The following KCNIP4 variants were observed in gnomAD, a reference collection of about 807,000 sequenced individuals.
KCNIP4 encodes the protein potassium voltage-gated channel interacting protein 4.
Under a neutral mutation model 34.0 loss-of-function variants are expected in KCNIP4, and 12 were observed. The ratio of observed to expected loss-of-function variants is 0.35; its 90% CI spans 0.23 to 0.57. The LOEUF (loss-of-function observed/expected upper bound fraction) is 0.57. Ranked by LOEUF, KCNIP4 falls within the 20% of genes least tolerant of loss-of-function variation. KCNIP4 has a pLI of 0.83. For missense variants in KCNIP4, 238 were observed against 311.7 expected, an observed-to-expected ratio of 0.76 and a Z score of 1.78; for synonymous variants, 124 against 102.2, an observed-to-expected ratio of 1.21 and a Z score of -1.29.
intron 1 of KCNIP4, among the ~76,000 whole-genome samples, chr4:21,613,159 C>G (rs371757392): frequency 3.9e-5 from 6 of 152,170 alleles, no homozygotes; most frequent in Non-Finnish European, 8.8e-5. Flanking sequence ...TGCAATCATG[C>G]TCCCAACATG....
chr4:20,910,340 T>C (rs6447996), intron 1 of KCNIP4, among the ~76,000 whole-genome samples: 127,012 of 151,842 alleles, frequency 0.84, 53,225 homozygotes, highest in East Asian at 0.85. Context: ...TTAATAATAA[T>C]GTACACCTTT....
intron 1 of KCNIP4, among the ~76,000 whole-genome samples, chr4:20,985,934 C>G (rs1302286139): frequency 6.6e-6 from 1 of 152,130 alleles, no homozygotes; most frequent in African/African-American, 2.4e-5. Flanking sequence ...TTGCTTGCTC[C>G]ATGACCTTGA....
intron 8 of KCNIP4, among the ~76,000 whole-genome samples, chr4:20,730,598 A>G (rs181268383): frequency 9.1e-4 from 138 of 152,236 alleles, no homozygotes; most frequent in African/African-American, 3.1e-3. Flanking sequence ...TGGTGGATTA[A>G]GAGGTAACAT....
chr4:21,171,684 G>T (rs1412881218), intron 1 of KCNIP4, among the ~76,000 whole-genome samples: 17 of 152,008 alleles, frequency 1.1e-4, no homozygotes, highest in Admixed American at 1.1e-3. Flanking sequence ...GGTGACCTTG[G>T]CCAAGTCACC....
At chr4:21,354,959 C>T (rs1327475448) in intron 1 of KCNIP4, among the ~76,000 whole-genome samples, 1 of 152,188 alleles carries the variant, frequency 6.6e-6, no homozygotes, top group African/African-American at 2.4e-5. Context: ...TCTCAGATTA[C>T]AGTGCAATCA....
At chr4:21,183,039 C>T (rs1291615314) in intron 1 of KCNIP4, among the ~76,000 whole-genome samples, 1 of 152,104 alleles carries the variant, frequency 6.6e-6, no homozygotes, top group African/African-American at 2.4e-5. Flanking sequence ...CTGTTAATCA[C>T]CGTTTTACTT....
At chr4:21,791,993 T>C (rs1720313414) in intron 1 of KCNIP4, among the ~76,000 whole-genome samples, 1 of 69,568 alleles carries the variant, frequency 1.4e-5, no homozygotes, top group Non-Finnish European at 2.2e-5. Context: ...AGAATGAGAC[T>C]CCGTCTCAAA....
intron 1 of KCNIP4, among the ~76,000 whole-genome samples, chr4:20,961,271 T>A (rs996132473): frequency 3.3e-5 from 5 of 152,180 alleles, no homozygotes; most frequent in Admixed American, 6.5e-5. Context: ...AAAAAAAATC[T>A]CTGGTAGGTA....
chr4:21,815,541 A>G (rs955202994), intron 1 of KCNIP4, among the ~76,000 whole-genome samples: 5 of 152,176 alleles, frequency 3.3e-5, no homozygotes, highest in South Asian at 4.1e-4. Flanking sequence ...AGGAAAAAAA[A>G]AGCAAAAAGA....
intron 6 of KCNIP4, 52 bp from the exon 7 acceptor site, chr4:20,732,837 A>C (rs776963533): frequency 4.6e-6 from 5 of 1,085,296 alleles, no homozygotes; most frequent in Non-Finnish European, 6.9e-6. Context: ...TGAAGAAACC[A>C]GTCTAAGAAG....
At chr4:21,647,558 A>G (rs868302719) in intron 1 of KCNIP4, among the ~76,000 whole-genome samples, 5 of 152,210 alleles carry the variant, frequency 3.3e-5, no homozygotes, top group Non-Finnish European at 7.3e-5. Flanking sequence ...GATAACTGAG[A>G]AACTCATGAA....
chr4:21,210,679 ATTCC>A (rs75258781), intron 1 of KCNIP4, among the ~76,000 whole-genome samples: 9,902 of 152,212 alleles, frequency 0.065, 385 homozygotes, highest in East Asian at 0.15. Flanking sequence ...TTATTTTAGT[ATTCC>A]TTCCAAGTAT....
intron 1 of KCNIP4, among the ~76,000 whole-genome samples, chr4:21,553,539 A>G (rs1174083588): frequency 6.6e-6 from 1 of 152,000 alleles, no homozygotes; most frequent in Non-Finnish European, 1.5e-5. Flanking sequence ...AAGCCTTTTA[A>G]AATGCACTTG....
At chr4:21,046,997 G>C (rs1742487007) in intron 1 of KCNIP4, among the ~76,000 whole-genome samples, 1 of 152,212 alleles carries the variant, frequency 6.6e-6, no homozygotes, top group South Asian at 2.1e-4. Context: ...CAAAACATAA[G>C]AGGTGCAATT....
chr4:21,938,625 T>C (rs562401488), intron 1 of KCNIP4, among the ~76,000 whole-genome samples: 6 of 152,304 alleles, frequency 3.9e-5, no homozygotes, highest in Admixed American at 3.3e-4. Flanking sequence ...CATGTGATTA[T>C]GATAGATTTA....
At chr4:20,872,282 T>C (rs1723558402) in intron 2 of KCNIP4, among the ~76,000 whole-genome samples, 1 of 152,180 alleles carries the variant, frequency 6.6e-6, no homozygotes, top group East Asian at 1.9e-4. Flanking sequence ...AATAAGGTTT[T>C]ATACTGTCAG....
intron 1 of KCNIP4, among the ~76,000 whole-genome samples, chr4:21,271,036 C>A (rs1762116808): frequency 1.3e-5 from 2 of 150,110 alleles, no homozygotes; most frequent in South Asian, 4.3e-4. Context: ...ATTATAAAAG[C>A]TCTATCCACT....
chr4:20,920,714 G>A lies in KCNIP4; in HGVS notation c.62-38005C>T, dbSNP rs115503026. Among the ~76,000 whole-genome samples, 1,002 of 152,252 alleles carry A rather than the reference G, an allele frequency of 6.6e-3. 7 individuals carry two copies. The highest frequency in any genetic ancestry group is 0.023 in the African/African-American group (940 of 41,542). ...TTTTAAAAAAGATAAGCTTGGGGCC[G>A]GGCACGGTGGCTCACGCCTGTAATC... On this transcript the variant is annotated intron_variant, in intron 1 of 8. Transcript: ENST00000382152.
At chr4:21,558,529 A>C (rs1739263715) in intron 1 of KCNIP4, among the ~76,000 whole-genome samples, 1 of 97,384 alleles carries the variant, frequency 1.0e-5, no homozygotes, top group Non-Finnish European at 2.3e-5. Context: ...AATAAAACAA[A>C]ATAAATGAGA....
Sources: allele counts gnomAD v4.1 joint callset (sites outside exome capture counted in the v4.1 genomes callset), GRCh38; gene constraint gnomAD v4.1.1; transcripts MANE v1.5; gene names NCBI Gene and HGNC (gene_info 2026-07-23, HGNC 2026-07-21).